SYCP3: variants seen among roughly 807,000 people sequenced by gnomAD.
SYCP3 encodes synaptonemal complex protein 3.
In SYCP3, 29 loss-of-function variants were observed where a neutral mutation model predicts 38.5. The ratio of observed to expected loss-of-function variants is 0.75; its 90% CI spans 0.56 to 1.03. The LOEUF (loss-of-function observed/expected upper bound fraction) is 1.03, where lower values mean the gene tolerates loss of function less well. Ranked by LOEUF, SYCP3 falls within the 50% of genes least tolerant of loss-of-function variation. The pLI is 0.00. For synonymous variants in SYCP3, 79 were observed against 80.3 expected (o/e 0.98, Z 0.08); for missense variants, 242 against 270.7 (o/e 0.89, Z 0.74).
chr12:101,729,265 G>A, intron 7 of SYCP3, 52 bp from the exon 8 acceptor site: 2 of 1,529,014 alleles, frequency 1.3e-6, no homozygotes, highest in Non-Finnish European at 1.8e-6. Context: ...TTCATCTCAG[G>A]TTCTAAACTT....
rs184453596 is a variant in SYCP3, at chr12:101,734,070, C to T, written c.354-396G>A. ...ATAAGATTTCTAAATAGAAATAGTT[C>T]GCTTAATTTTTTTCCCTATTTTGGC... On this transcript the variant is annotated intron_variant, in intron 5 of 8. Coordinates refer to ENST00000392924, the MANE Select transcript of SYCP3 (RefSeq NM_001177949.2). 3.6e-3 allele frequency among the ~76,000 whole-genome samples: 554 copies of T among 152,028 alleles called. 7 individuals are homozygous for T. Among genetic ancestry groups the T allele is most frequent in the African/African-American group, 0.011 (455 of 41,486 alleles).
In SYCP3 at chr12:101,730,797, G is replaced by A. The variant is rs535753865; in HGVS notation, c.552+771C>T. 1.8e-4 allele frequency among the ~76,000 whole-genome samples: 27 copies of A among 152,174 alleles called. No individual in the cohort carries two copies. In the South Asian group the frequency reaches 5.4e-3, roughly 30 times the overall value. On this transcript the variant is annotated intron_variant, in intron 7 of 8. Coordinates refer to ENST00000392924, the MANE Select transcript of SYCP3 (RefSeq NM_001177949.2). ...ACTGTGCTCGGCCATATATATTAAAGTTATTCTGAAATATTTATTTTAAAA... is the reference window on the plus strand; with the variant it reads ...ACTGTGCTCGGCCATATATATTAAAATTATTCTGAAATATTTATTTTAAAA...
intron 1 of SYCP3, 133 bp downstream of exon 1, chr12:101,739,216 CTG>C: frequency 4.1e-6 from 4 of 981,262 alleles, no homozygotes; most frequent in Non-Finnish European, 4.9e-6. Flanking sequence ...GCTCAAGGCC[CTG>C]TCCTCAGGTT....
At chr12:101,739,191 A>T in intron 1 of SYCP3, 160 bp downstream of exon 1, 2 of 660,436 alleles carry the variant, frequency 3.0e-6, no homozygotes, top group Non-Finnish European at 3.7e-6. Flanking sequence ...CCCGCTTTCC[A>T]CTAGGCCCTA....
At chr12:101,733,508 A>G in intron 6 of SYCP3, 67 bp downstream of exon 6, 4 of 1,419,924 alleles carry the variant, frequency 2.8e-6, no homozygotes, top group Admixed American at 3.4e-5. Context: ...ACTGGTCACA[A>G]TAAAAGGCTA....
rs753497785 is a variant in SYCP3, at chr12:101,729,191, T to C, written c.575A>G (p.Asn192Ser). The change falls in exon 8 of 9, where the codon AAT becomes AGT. Residue 192 changes from asparagine (N) to serine (S), a missense_variant. Physicochemically the swap from Asn to Ser is conservative, Grantham distance 46. Coordinates refer to ENST00000392924, the MANE Select transcript of SYCP3 (RefSeq NM_001177949.2). ...FIKSMEELEKNHDNLLTGAQN... is the reference protein window; with the variant it reads ...FIKSMEELEKSHDNLLTGAQN... ...TGCACCAGTAAGTAGATTATCATGATTCTTCTCCAACTCTTCCATACTCTA... is the reference window on the plus strand; with the variant it reads ...TGCACCAGTAAGTAGATTATCATGACTCTTCTCCAACTCTTCCATACTCTA... 6.2e-7 allele frequency: 1 copy of C among 1,613,140 alleles called. No individual in the cohort carries two copies. The highest frequency in any genetic ancestry group is 8.5e-7 in the Non-Finnish European group (1 of 1,179,534).
intron 4 of SYCP3, among the ~76,000 whole-genome samples, chr12:101,735,871 A>ATATATATATTTTTTTTTTTTTTTTTT: frequency 1.3e-5 from 1 of 74,790 alleles, no homozygotes; most frequent in Non-Finnish European, 2.5e-5. Context: ...ATATATATAT[A>ATATATATATTTTTTTTTTTTTTTTTT]TTTTTTTTTT....
rs138127227 is a variant in SYCP3, at chr12:101,737,254, C to T, written c.178G>A (p.Ala60Thr). 6.2e-7 allele frequency: 1 copy of T among 1,612,140 alleles called. No homozygotes were observed. The highest frequency in any genetic ancestry group is 1.3e-5 in the African/African-American group (1 of 74,390). Residue 60 changes from alanine (A) to threonine (T), a missense_variant, in exon 3 of 9, where the codon GCA becomes ACA. By Grantham distance (58) the Ala-to-Thr change is moderately conservative (BLOSUM62 0). Coordinates refer to ENST00000392924, the MANE Select transcript of SYCP3 (RefSeq NM_001177949.2). ...IEKRRKKRSS[A>T]GVVEDMGGEV... ...TACCCCATATCTTCAACTACTCCTG[C>T]AGAAGACCTTTTCTTCCTACGTTTC... is the stretch of plus-strand genomic sequence containing the variant.
chr12:101,737,551 A>G (rs1952501564), intron 2 of SYCP3: 3 of 646,962 alleles, frequency 4.6e-6, no homozygotes, highest in Non-Finnish European at 7.9e-6. Flanking sequence ...TATATATCAG[A>G]TATTTTGGAA....
intron 6 of SYCP3, chr12:101,732,092 G>A (rs547897140): frequency 6.2e-6 from 1 of 160,298 alleles, no homozygotes; most frequent in Middle Eastern, 3.2e-3. Flanking sequence ...AACTTTCTAA[G>A]AGATAGATAC....
chr12:101,732,656 TTTTTC>T (rs1406031042), intron 6 of SYCP3: 2 of 150,182 alleles, frequency 1.3e-5, no homozygotes, highest in East Asian at 3.9e-4. Context: ...CAATTTGCAT[TTTTTC>T]TTTTTTCTTT....
At position 101,739,380 on chromosome 12, in the gene SYCP3, G is replaced by A; in HGVS notation, c.-47C>T. The A allele has an allele frequency of 1.0e-6, 1 of 1,002,802 alleles. No individual in the cohort carries two copies. The highest frequency in any genetic ancestry group is 1.2e-6 in the Non-Finnish European group (1 of 830,354). The allele number at this position is 1,002,802 out of a possible 1,614,324, so 62.1% of individuals were successfully genotyped here. A position where few individuals can be genotyped will look rare whatever the true frequency, so the allele number is the denominator to read the frequency against. On this transcript the variant is annotated 5_prime_UTR_variant, in exon 1 of 9. Coordinates refer to ENST00000392924, the MANE Select transcript of SYCP3 (RefSeq NM_001177949.2). ...AACACACCGCAATGGCCGAGGACCA[G>A]TTACTGGTCGTCGACAGGCGTCCTC...
chr12:101,729,372 C>A, intron 7 of SYCP3, 159 bp from the exon 8 acceptor site: 1 of 723,732 alleles, frequency 1.4e-6, no homozygotes, highest in Non-Finnish European at 2.2e-6. Flanking sequence ...ACCAAAATAC[C>A]TACTAAAAAA....
chr12:101,736,706 ATATGTG>A (rs1016704085), intron 4 of SYCP3, among the ~76,000 whole-genome samples: 5 of 102,032 alleles, frequency 4.9e-5, no homozygotes, highest in African/African-American at 2.6e-4. Flanking sequence ...GTATGTATGT[ATATGTG>A]TGTGTGTGTG....
chr12:101,734,074 T>A (rs1267934245), intron 5 of SYCP3, among the ~76,000 whole-genome samples: 1 of 152,228 alleles, frequency 6.6e-6, no homozygotes, highest in African/African-American at 2.4e-5. Context: ...ATAGTTCGCT[T>A]AATTTTTTTC....
Position 101,737,793 on chromosome 12 carries a change from T to C in SYCP3, c.133+10A>G, listed in dbSNP as rs1479616140. 1.2e-6 allele frequency: 2 copies of C among 1,614,052 alleles called. No individual in the cohort carries two copies. Among genetic ancestry groups the C allele is most frequent in the East Asian group, 2.2e-5 (1 of 44,888 alleles). On this transcript the variant is annotated intron_variant, in intron 2 of 8. Transcript: ENST00000392924. ...AAGGACATCACTGCCCAACATGAGA[T>C]GTACTGCACCTTCAATAACATCTTC...
chr12:101,733,695 T>A (rs1952277476), intron 5 of SYCP3, 21 bp from the exon 6 acceptor site: 2 of 1,590,338 alleles, frequency 1.3e-6, no homozygotes, highest in Non-Finnish European at 1.7e-6. Flanking sequence ...TAATGATGAA[T>A]TATTGTCATA....
intron 7 of SYCP3, among the ~76,000 whole-genome samples, chr12:101,731,094 T>C (rs1259316988): frequency 6.6e-6 from 1 of 152,224 alleles, no homozygotes; most frequent in African/African-American, 2.4e-5. Flanking sequence ...ATGTTGGATA[T>C]AAATTCATTT....
chr12:101,733,756 A>T, intron 5 of SYCP3, 82 bp from the exon 6 acceptor site: 1 of 1,272,392 alleles, frequency 7.9e-7, no homozygotes, highest in Non-Finnish European at 1.1e-6. Context: ...TGACACAGTT[A>T]TACTATATAA....
Sources: gnomAD v4.1 joint callset for allele counts (sites outside exome capture counted in the v4.1 genomes callset) on GRCh38, gnomAD v4.1.1 for gene constraint, MANE v1.5 for transcripts, NCBI Gene and HGNC (gene_info 2026-07-23, HGNC 2026-07-21) for gene names.